TOX2: variants seen among roughly 807,000 people sequenced by gnomAD.
TOX2 encodes granulosa cell HMG box 1.
Under a neutral mutation model 47.4 loss-of-function variants are expected in TOX2, and 15 were observed. That is an observed-to-expected ratio of 0.32 (90% CI 0.21 to 0.49). The LOEUF is 0.49. Among genes scored for constraint, TOX2 ranks in the 20% least tolerant of loss-of-function variants. TOX2 has a pLI of 0.99. For synonymous variants in TOX2, 290 were observed against 296.6 expected, an observed-to-expected ratio of 0.98 and a Z score of 0.23; for missense variants, 622 against 673.1, an observed-to-expected ratio of 0.92 and a Z score of 0.84.
chr20:44,013,485 AG>A (rs532054764), intron 3 of TOX2, among the ~76,000 whole-genome samples: 208 of 152,334 alleles, frequency 1.4e-3, no homozygotes, highest in African/African-American at 4.9e-3. Context: ...TCTGAAACAC[AG>A]GGGGCAGTAG....
At chr20:44,025,248 G>C (rs548148586) in intron 3 of TOX2, among the ~76,000 whole-genome samples, 1 of 152,000 alleles carries the variant, frequency 6.6e-6, no homozygotes, top group Non-Finnish European at 1.5e-5. Flanking sequence ...TGGATGCGTC[G>C]AGCCTCTGCC....
intron 1 of TOX2, among the ~76,000 whole-genome samples, chr20:43,961,142 G>A (rs773728373): frequency 6.6e-6 from 1 of 152,276 alleles, no homozygotes; most frequent in Non-Finnish European, 1.5e-5. Flanking sequence ...GGGTGGCCAG[G>A]CCAGCCCAAG....
rs1197598054 is a variant in TOX2 at position 43,915,824 on chromosome 20, C to G, written c.99+834C>G. ...TCCCTCCAGGCTGGGGCTGTAGTGC[C>G]GGACACCCTCCCTCCTCCATGTTTC... On this transcript the variant is annotated intron_variant, in intron 1 of 8. Coordinates refer to ENST00000341197, the MANE Select transcript of TOX2 (RefSeq NM_001098797.2). The surrounding 1 kb of genome is among the most constrained non-coding windows in gnomAD (Gnocchi z 7.1). Among the ~76,000 whole-genome samples, 1 of 152,240 alleles carries G rather than the reference C, an allele frequency of 6.6e-6. No individual in the cohort carries two copies. The highest frequency in any genetic ancestry group is 1.5e-5 in the Non-Finnish European group (1 of 68,048).
At chr20:43,961,045 C>T (rs2069749566) in intron 1 of TOX2, among the ~76,000 whole-genome samples, 1 of 152,222 alleles carries the variant, frequency 6.6e-6, no homozygotes, top group Non-Finnish European at 1.5e-5. Context: ...AGTGAGCAGG[C>T]TGGTCTTAGG....
intron 3 of TOX2, among the ~76,000 whole-genome samples, chr20:44,050,184 AATTTGTC>A (rs1245069188): frequency 2.0e-5 from 3 of 152,236 alleles, no homozygotes; most frequent in African/African-American, 7.2e-5. Flanking sequence ...AAATATATAC[AATTTGTC>A]ATTTGTCAAT....
chr20:43,931,721 CAGG>C (rs1354241867), intron 1 of TOX2, among the ~76,000 whole-genome samples: 1 of 152,128 alleles, frequency 6.6e-6, no homozygotes, highest in African/African-American at 2.4e-5. Context: ...AGAGTGGAGG[CAGG>C]AGAATAGTTG....
chr20:44,009,384 C>T (rs998987482), intron 3 of TOX2, among the ~76,000 whole-genome samples: 2 of 152,164 alleles, frequency 1.3e-5, no homozygotes, highest in African/African-American at 4.8e-5. Context: ...ATCCACATTT[C>T]ATAGTGTTTG....
intron 3 of TOX2, among the ~76,000 whole-genome samples, chr20:44,018,022 T>C (rs2070909825): frequency 6.6e-6 from 1 of 152,188 alleles, no homozygotes; most frequent in Admixed American, 6.5e-5. Context: ...GTGAGGCACT[T>C]GCAGCTTGGA....
intron 1 of TOX2, among the ~76,000 whole-genome samples, chr20:43,961,337 C>T (rs1010155847): frequency 2.6e-5 from 4 of 151,992 alleles, no homozygotes; most frequent in Admixed American, 6.6e-5. Context: ...GGGATGGGCG[C>T]GTGATGGGTG....
chr20:43,958,142 A>T (rs1262426704), intron 1 of TOX2, among the ~76,000 whole-genome samples: 1 of 152,080 alleles, frequency 6.6e-6, no homozygotes, highest in Non-Finnish European at 1.5e-5. Flanking sequence ...ATACGTTTCC[A>T]TACCTAGTTG....
intron 1 of TOX2, among the ~76,000 whole-genome samples, chr20:43,928,999 A>C (rs1037013072): frequency 3.6e-4 from 52 of 144,834 alleles, no homozygotes; most frequent in African/African-American, 9.1e-4. Flanking sequence ...AAAAAAAAAA[A>C]CAACAACAAA....
chr20:43,961,336 G>A lies in TOX2; in HGVS notation c.100-12031G>A, dbSNP rs561211359. ...TGGAAAGGCAGAAGAGGGGATGGGC[G>A]CGTGATGGGTGGGAGGCAGCCTGGA... On this transcript the variant is annotated intron_variant, in intron 1 of 8. Transcript: ENST00000341197. 9.8e-5 allele frequency among the ~76,000 whole-genome samples: 15 copies of A among 152,308 alleles called. No homozygotes were observed. In the East Asian group the frequency reaches 1.9e-3, roughly 20 times the overall value.
rs546540422 is a variant in TOX2 at position 43,915,193 on chromosome 20, G to T, written c.99+203G>T. Among the ~76,000 whole-genome samples, 1 of 152,030 alleles carries T rather than the reference G, an allele frequency of 6.6e-6. No homozygotes were observed. Among genetic ancestry groups the T allele is most frequent in the Admixed American group, 6.6e-5 (1 of 15,266 alleles). ...GCAGAAGTCATCCCGACAGCCACCC[G>T]TGCGACGACACAGTGGCCCCTCACT... On this transcript the variant is annotated intron_variant, in intron 1 of 8. Transcript: ENST00000341197. The surrounding 1 kb of genome is among the most constrained non-coding windows in gnomAD (Gnocchi z 7.1).
Position 43,915,209 on chromosome 20 carries a change from G to T in TOX2, c.99+219G>T, listed in dbSNP as rs999478705. On this transcript the variant is annotated intron_variant, in intron 1 of 8. Transcript: ENST00000341197. The surrounding 1 kb of genome is among the most constrained non-coding windows in gnomAD (Gnocchi z 7.1). The stretch of plus-strand genomic sequence containing the variant: ...CAGCCACCCGTGCGACGACACAGTG[G>T]CCCCTCACTCGCGTCCCCCTGACAG... 1.7e-4 allele frequency among the ~76,000 whole-genome samples: 26 copies of T among 152,092 alleles called. No individual in the cohort carries two copies. The highest frequency in any genetic ancestry group is 2.9e-4 in the Non-Finnish European group (20 of 68,002).
intron 5 of TOX2, among the ~76,000 whole-genome samples, chr20:44,064,156 G>A (rs2071769111): frequency 6.6e-6 from 1 of 151,956 alleles, no homozygotes; most frequent in Admixed American, 6.6e-5. Flanking sequence ...GTAGCAAGAG[G>A]GCTCACCAAT....
intron 5 of TOX2, among the ~76,000 whole-genome samples, chr20:44,061,577 T>C (rs1217599505): frequency 6.7e-6 from 1 of 149,174 alleles, no homozygotes; most frequent in African/African-American, 2.5e-5. Context: ...ATGCCCACTC[T>C]TACCACTTCT....
At chr20:43,991,249 T>C (rs1411598494) in intron 2 of TOX2, among the ~76,000 whole-genome samples, 1 of 150,992 alleles carries the variant, frequency 6.6e-6, no homozygotes, top group Non-Finnish European at 1.5e-5. Flanking sequence ...GTTAGAATGA[T>C]TTCATGCTGA....
intron 2 of TOX2, among the ~76,000 whole-genome samples, chr20:44,005,951 A>AG (rs2070672398): frequency 6.6e-6 from 1 of 152,140 alleles, no homozygotes; most frequent in Admixed American, 6.5e-5. Flanking sequence ...GAAAAAAAAA[A>AG]CAAGGAAGGA....
intron 1 of TOX2, among the ~76,000 whole-genome samples, chr20:43,966,769 A>AAT (rs2069860987): frequency 6.6e-6 from 1 of 150,920 alleles, no homozygotes; most frequent in Non-Finnish European, 1.5e-5. Context: ...AAAAAAAAAA[A>AAT]AGTGGGGGCA....
Sources: gnomAD v4.1 joint callset for allele counts (sites outside exome capture counted in the v4.1 genomes callset) on GRCh38, gnomAD v4.1.1 for gene constraint, Gnocchi (gnomAD v3.1) non-coding constraint, MANE v1.5 for transcripts, NCBI Gene and HGNC (gene_info 2026-07-23, HGNC 2026-07-21) for gene names.